SMG6: variants seen among roughly 807,000 people sequenced by gnomAD.
SMG6 encodes SMG6 nonsense mediated mRNA decay factor, also known as telomerase-binding protein EST1A.
A neutral mutation model predicts 142.2 loss-of-function variants in SMG6; 66 were observed. That is an observed-to-expected ratio of 0.46 (90% CI 0.38 to 0.57). The LOEUF (loss-of-function observed/expected upper bound fraction) is 0.57. Ranked by LOEUF, SMG6 falls within the 20% of genes least tolerant of loss-of-function variation. SMG6 has a pLI of 0.00. For synonymous variants in SMG6, 779 were observed against 702.4 expected (o/e 1.11, Z -1.72); for missense variants, 1,793 against 1,832.0 (o/e 0.98, Z 0.39).
chr17:2,086,004 G>C, intron 13 of SMG6, 103 bp from the exon 14 acceptor site: 1 of 1,203,008 alleles, frequency 8.3e-7, no homozygotes, highest in South Asian at 1.2e-5. Context: ...CTGTGTCAAA[G>C]CTACCAGGCA....
intron 10 of SMG6, among the ~76,000 whole-genome samples, chr17:2,197,680 G>A (rs2072374012): frequency 2.0e-5 from 3 of 151,918 alleles, no homozygotes; most frequent in Admixed American, 6.6e-5. Context: ...AGACAAACCA[G>A]ATATTTCATC....
At chr17:2,257,313 T>C (rs1209065244) in intron 8 of SMG6, among the ~76,000 whole-genome samples, 1 of 152,092 alleles carries the variant, frequency 6.6e-6, no homozygotes, top group East Asian at 1.9e-4. Context: ...CTCCATCTCT[T>C]GAGCTCGTGA....
rs912699910 is a variant in SMG6 at position 2,096,357 on chromosome 17, C to T, written c.3358-10456G>A. ...TGAGTAGCTGGGATTCACAGGTGCA[C>T]GCCACCATGCCCGGCTAATTTTCAT... On this transcript the variant is annotated intron_variant, in intron 13 of 18. Transcript: ENST00000263073. Among the ~76,000 whole-genome samples, 12 of 152,150 alleles carry T rather than the reference C, an allele frequency of 7.9e-5. 1 individual carries two copies. Among genetic ancestry groups the T allele is most frequent in the South Asian group, 4.1e-4 (2 of 4,830 alleles).
intron 8 of SMG6, among the ~76,000 whole-genome samples, chr17:2,245,578 T>C (rs1433476434): frequency 1.2e-4 from 19 of 152,054 alleles, no homozygotes; most frequent in Admixed American, 1.2e-3. Context: ...AGAGACGGGG[T>C]TTTGCCATGT....
chr17:2,277,153 A>ATTTTTTTTTTTTTTTTTTTTTTTTTTTT (rs1567740157), intron 8 of SMG6, among the ~76,000 whole-genome samples: 1 of 83,448 alleles, frequency 1.2e-5, no homozygotes, highest in African/African-American at 5.4e-5. Context: ...TTATTTATTT[A>ATTTTTTTTTTTTTTTTTTTTTTTTTTTT]TTTATTTATT....
intron 13 of SMG6, among the ~76,000 whole-genome samples, chr17:2,122,948 T>TA (rs2069749394): frequency 6.6e-6 from 1 of 152,250 alleles, no homozygotes; most frequent in African/African-American, 2.4e-5. Flanking sequence ...TCCTGGCTCC[T>TA]ACCACATGAG....
rs1946825643 is a variant in SMG6, at chr17:2,190,660, C to T, written c.2870-2145G>A. On this transcript the variant is annotated intron_variant, in intron 10 of 18. Transcript: ENST00000263073. ...GGCTCCTGCAATAAGGTCTGGAGAC[C>T]AGGCAAGGTAGCAACAGCTGGAGTC... Among the ~76,000 whole-genome samples the T allele has an allele frequency of 2.0e-5, 3 of 152,134 alleles. No homozygotes were observed. The South Asian group carries it at 6.2e-4, about 32-fold the overall frequency.
intron 13 of SMG6, among the ~76,000 whole-genome samples, chr17:2,155,354 G>A (rs1280069361): frequency 3.9e-5 from 6 of 152,014 alleles, no homozygotes; most frequent in Non-Finnish European, 7.4e-5. Flanking sequence ...GAGCCACGGC[G>A]AATGAACCAA....
chr17:2,096,414 G>A (rs1329699764), intron 13 of SMG6, among the ~76,000 whole-genome samples: 1 of 152,206 alleles, frequency 6.6e-6, no homozygotes, highest in Non-Finnish European at 1.5e-5. Flanking sequence ...TCACCATGTT[G>A]GCCAGGATGG....
At chr17:2,223,938 AAAAG>A (rs1597641719) in intron 10 of SMG6, among the ~76,000 whole-genome samples, 1 of 152,282 alleles carries the variant, frequency 6.6e-6, no homozygotes, top group South Asian at 2.1e-4. Flanking sequence ...AAAAGAAAAG[AAAAG>A]AAAGAAAGTC....
chr17:2,179,181 G>A lies in SMG6; in HGVS notation c.3156-6322C>T, dbSNP rs149463981. On this transcript the variant is annotated intron_variant, in intron 12 of 18. Transcript: ENST00000263073. The stretch of plus-strand genomic sequence containing the variant: ...AACCCGGAGCCAGGGAGACTGGGTG[G>A]GGAGCCAGGGTAGCAAAGGGGCTTC... Among the ~76,000 whole-genome samples, 20 of 152,264 alleles carry A rather than the reference G, an allele frequency of 1.3e-4. 1 individual carries two copies. The East Asian group carries it at 3.9e-3, about 29-fold the overall frequency.
chr17:2,197,029 A>G (rs563139626), intron 10 of SMG6, among the ~76,000 whole-genome samples: 2 of 152,368 alleles, frequency 1.3e-5, no homozygotes, highest in Non-Finnish European at 2.9e-5. Flanking sequence ...ACATAGGACC[A>G]TAAAACTCTT....
At chr17:2,175,147 G>A (rs2071618931) in intron 12 of SMG6, among the ~76,000 whole-genome samples, 1 of 152,198 alleles carries the variant, frequency 6.6e-6, no homozygotes. Flanking sequence ...CGCTGCCTGA[G>A]TCTGATCCCA....
chr17:2,138,137 T>C (rs1437664724), intron 13 of SMG6, among the ~76,000 whole-genome samples: 1 of 151,654 alleles, frequency 6.6e-6, no homozygotes, highest in African/African-American at 2.4e-5. Context: ...AATACAGTTA[T>C]TTAGTAGGAG....
chr17:2,274,250 G>C (rs978226807), intron 8 of SMG6, among the ~76,000 whole-genome samples: 8 of 152,042 alleles, frequency 5.3e-5, no homozygotes, highest in Non-Finnish European at 1.2e-4. Context: ...CTATACACTA[G>C]ACTACACAAT....
At chr17:2,195,517 T>G (rs74581242) in intron 10 of SMG6, among the ~76,000 whole-genome samples, 1,933 of 152,314 alleles carry the variant, frequency 0.013, 38 homozygotes, top group African/African-American at 0.044. Context: ...GCAAGAGCTA[T>G]GTCAAGACTT....
chr17:2,251,962 G>A (rs1009832101), intron 8 of SMG6, among the ~76,000 whole-genome samples: 50 of 152,058 alleles, frequency 3.3e-4, no homozygotes, highest in African/African-American at 1.1e-3. Context: ...TTAGCCGGGC[G>A]TGGTGGCTCA....
chr17:2,289,710 A>C (rs982351008), intron 6 of SMG6, among the ~76,000 whole-genome samples: 1 of 152,042 alleles, frequency 6.6e-6, no homozygotes, highest in Non-Finnish European at 1.5e-5. Context: ...CACAAGTTCA[A>C]GACCAGCCTG....
chr17:2,164,697 G>A (rs1301309654), intron 13 of SMG6, among the ~76,000 whole-genome samples: 2 of 152,168 alleles, frequency 1.3e-5, no homozygotes, highest in African/African-American at 4.8e-5. Flanking sequence ...AGCACTTTGG[G>A]AGGCTGAGGC....
Sources: allele counts gnomAD v4.1 joint callset (sites outside exome capture counted in the v4.1 genomes callset), GRCh38; gene constraint gnomAD v4.1.1; transcripts MANE v1.5; gene names NCBI Gene and HGNC (gene_info 2026-07-23, HGNC 2026-07-21).